WDPCP: variants seen among roughly 807,000 people sequenced by gnomAD.
The protein encoded by WDPCP is WD repeat containing planar cell polarity effector, also known as WD repeat-containing and planar cell polarity effector protein fritz homolog.
In WDPCP, 71 loss-of-function variants were observed where a neutral mutation model predicts 93.1. That is an observed-to-expected ratio of 0.76 (90% CI 0.63 to 0.93). The LOEUF is 0.93. WDPCP is among the 40% of genes least tolerant of loss of function. The pLI, the probability that WDPCP is intolerant of heterozygous loss-of-function variation, is 0.00. For synonymous variants in WDPCP, 315 were observed against 315.0 expected (o/e 1.00, Z 0.00); for missense variants, 844 against 887.4 (o/e 0.95, Z 0.62).
rs886056224 is a variant in WDPCP, at chr2:63,404,161, A to T, written c.1322T>A (p.Met441Lys). 1 of 1,614,014 alleles carries T rather than the reference A, an allele frequency of 6.2e-7. No homozygotes were observed. Residue 441 changes from methionine (M) to lysine (K), a missense_variant, in exon 10 of 18, where the codon ATG becomes AAG. Transcript: ENST00000272321. ...LFDASSSLVQMQWIAPQVVSQ... is the reference protein window; with the variant it reads ...LFDASSSLVQKQWIAPQVVSQ... ...AACAACCTGAGGAGCTATCCATTGC[A>T]TTTGAACAAGACTGCTGGAGGCATC...
At chr2:63,619,428 C>T (rs1321589598) in intron 3 of WDPCP, among the ~76,000 whole-genome samples, 4 of 152,190 alleles carry the variant, frequency 2.6e-5, no homozygotes, top group South Asian at 4.1e-4. Flanking sequence ...AATGAGCCTT[C>T]CTCTTCAAAG....
At chr2:63,395,159 G>C (rs1693612412) in intron 10 of WDPCP, among the ~76,000 whole-genome samples, 1 of 152,144 alleles carries the variant, frequency 6.6e-6, no homozygotes, top group Non-Finnish European at 1.5e-5. Context: ...AAAGTACCAA[G>C]ACACAAGAGT....
At chr2:63,407,769 G>C (rs1022672043) in intron 9 of WDPCP, among the ~76,000 whole-genome samples, 2 of 152,194 alleles carry the variant, frequency 1.3e-5, no homozygotes, top group Non-Finnish European at 2.9e-5. Context: ...GTGCTGGTAG[G>C]AAGTTTCTTA....
intron 1 of WDPCP, among the ~76,000 whole-genome samples, chr2:63,547,556 T>C (rs200998595): frequency 2.1e-4 from 1 of 4,772 alleles, no homozygotes; most frequent in Non-Finnish European, 2.7e-4. Flanking sequence ...GTGGTATGTA[T>C]ACACACACAC....
intron 2 of WDPCP, among the ~76,000 whole-genome samples, chr2:63,780,787 T>A (rs1184252290): frequency 6.6e-6 from 1 of 152,200 alleles, no homozygotes; most frequent in Non-Finnish European, 1.5e-5. Context: ...CAACATTTAT[T>A]ATGGTAACTA....
chr2:63,667,232 T>C (rs1313670516), intron 2 of WDPCP, among the ~76,000 whole-genome samples: 2 of 152,176 alleles, frequency 1.3e-5, no homozygotes, highest in Admixed American at 6.5e-5. Flanking sequence ...ACTGACATGG[T>C]TGTATTTCAG....
intron 14 of WDPCP, among the ~76,000 whole-genome samples, chr2:63,252,507 T>A (rs1680815347): frequency 6.6e-6 from 1 of 152,002 alleles, no homozygotes; most frequent in Non-Finnish European, 1.5e-5. Flanking sequence ...GATGATATGA[T>A]TCTGTACATA....
intron 6 of WDPCP, among the ~76,000 whole-genome samples, chr2:63,445,180 T>G (rs1447612985): frequency 6.6e-6 from 1 of 151,732 alleles, no homozygotes; most frequent in African/African-American, 2.4e-5. Context: ...GCCTCCTACA[T>G]GTCAGGAAAC....
chr2:63,296,215 A>AG (rs1215855188), intron 13 of WDPCP, among the ~76,000 whole-genome samples: 4 of 151,826 alleles, frequency 2.6e-5, no homozygotes, highest in African/African-American at 9.7e-5. Context: ...AGATGCAAAA[A>AG]AAAAAAAAGC....
intron 6 of WDPCP, among the ~76,000 whole-genome samples, chr2:63,472,187 T>G (rs1304720296): frequency 6.6e-6 from 1 of 152,054 alleles, no homozygotes. Context: ...TTTTTTAAAC[T>G]CTAGAAGTTT....
intron 2 of WDPCP, among the ~76,000 whole-genome samples, chr2:63,735,420 C>A (rs931670805): frequency 6.6e-6 from 1 of 152,098 alleles, no homozygotes; most frequent in Non-Finnish European, 1.5e-5. Context: ...GAAGGAAGAA[C>A]AGGAAGCTCA....
chr2:63,738,589 T>C lies in WDPCP; in HGVS notation n.308+75033A>G, dbSNP rs147631192. ...GTGATTTTTCAAGCATATCTGTATT[T>C]GAAATTTTAATCTATACCTTGGTCA... is the stretch of plus-strand genomic sequence containing the variant. On this transcript the variant is annotated intron_variant and non_coding_transcript_variant, in intron 2 of 4. Transcript: ENST00000467687. 2.0e-5 allele frequency among the ~76,000 whole-genome samples: 3 copies of C among 152,306 alleles called. No individual in the cohort carries two copies. The East Asian group carries it at 5.8e-4, about 29-fold the overall frequency.
At chr2:63,347,480 C>T (rs1309689227) in intron 12 of WDPCP, among the ~76,000 whole-genome samples, 1 of 152,160 alleles carries the variant, frequency 6.6e-6, no homozygotes, top group Non-Finnish European at 1.5e-5. Flanking sequence ...GGACATGGAG[C>T]CTGGCAGTCT....
At chr2:63,601,638 T>A (rs1709420616) in intron 3 of WDPCP, among the ~76,000 whole-genome samples, 1 of 152,178 alleles carries the variant, frequency 6.6e-6, no homozygotes, top group South Asian at 2.1e-4. Flanking sequence ...TACCTGGCCT[T>A]TGCTGTCCAG....
chr2:63,384,186 G>C (rs551518024), intron 10 of WDPCP, among the ~76,000 whole-genome samples: 7 of 152,118 alleles, frequency 4.6e-5, no homozygotes, highest in African/African-American at 1.4e-4. Context: ...ACAGTAAATA[G>C]TAAATAACAA....
chr2:63,156,204 T>C (rs1672239262), intron 15 of WDPCP, among the ~76,000 whole-genome samples: 1 of 151,918 alleles, frequency 6.6e-6, no homozygotes, highest in African/African-American at 2.4e-5. Context: ...TGTTTCACCA[T>C]GTTGCCCAGG....
chr2:63,214,876 G>C (rs1677178796), intron 14 of WDPCP, among the ~76,000 whole-genome samples: 1 of 152,116 alleles, frequency 6.6e-6, no homozygotes, highest in Non-Finnish European at 1.5e-5. Context: ...ATTCACAATT[G>C]CTTCAAAGAG....
intron 1 of WDPCP, among the ~76,000 whole-genome samples, chr2:63,516,432 T>C (rs1575564063): frequency 6.6e-6 from 1 of 152,214 alleles, no homozygotes; most frequent in South Asian, 2.1e-4. Flanking sequence ...CTGACTACTT[T>C]GCCTCATGAT....
chr2:63,264,891 A>G (rs1227574954), intron 13 of WDPCP, among the ~76,000 whole-genome samples: 1 of 152,220 alleles, frequency 6.6e-6, no homozygotes, highest in African/African-American at 2.4e-5. Flanking sequence ...CGATGGCATG[A>G]AACTATAAAT....
Sources: allele counts gnomAD v4.1 joint callset (sites outside exome capture counted in the v4.1 genomes callset), GRCh38; gene constraint gnomAD v4.1.1; transcripts MANE v1.5; gene names NCBI Gene and HGNC (gene_info 2026-07-23, HGNC 2026-07-21).